Variants in TMEM44 observed in about 807,000 individuals in gnomAD.
The protein encoded by TMEM44 is transmembrane protein 44.
TMEM44 carries 43 observed loss-of-function variants against 47.8 expected under a neutral mutation model. The ratio of observed to expected loss-of-function variants is 0.90; its 90% confidence interval spans 0.70 to 1.16. TMEM44 has a LOEUF of 1.16. TMEM44 is among the 50% of genes most tolerant of loss of function. The pLI is 0.00. For missense variants in TMEM44, 568 were observed against 555.2 expected (o/e 1.02, Z -0.23); for synonymous variants, 277 against 238.8 (o/e 1.16, Z -1.48).
chr3:194,589,561 G>GTCA (rs1187243090), intron 9 of TMEM44: 1 of 127,324 alleles, frequency 7.9e-6, no homozygotes, highest in East Asian at 2.3e-4. Context: ...CAGCCGACTT[G>GTCA]TCATCACTTA....
chr3:194,596,042 G>C (rs1713368218), intron 9 of TMEM44, among the ~76,000 whole-genome samples: 1 of 152,186 alleles, frequency 6.6e-6, no homozygotes. Context: ...CAGATAGGCA[G>C]AGAAACGCAG....
At chr3:194,596,736 G>C (rs1351815717) in intron 9 of TMEM44, 1 of 152,150 alleles carries the variant, frequency 6.6e-6, no homozygotes, top group Non-Finnish European at 1.5e-5. Context: ...GGTTGCGGAG[G>C]TTGCAAGACT....
intron 1 of TMEM44, among the ~76,000 whole-genome samples, chr3:194,629,108 G>A (rs965329712): frequency 6.6e-6 from 1 of 151,352 alleles, no homozygotes; most frequent in East Asian, 1.9e-4. Flanking sequence ...AGGTTGCAGT[G>A]AGCCAAGATC....
intron 7 of TMEM44, among the ~76,000 whole-genome samples, chr3:194,613,702 C>T (rs1715578901): frequency 6.7e-6 from 1 of 149,504 alleles, no homozygotes. Flanking sequence ...CCACGTTGGT[C>T]AGGCTGGTCT....
rs553262785 is a variant in TMEM44 at position 194,628,400 on chromosome 3, T to C, written c.247A>G (p.Arg83Gly). 5.6e-6 allele frequency: 9 copies of C among 1,611,932 alleles called. No individual in the cohort carries two copies. In the African/African-American group the frequency reaches 1.1e-4, roughly 19 times the overall value. ...CAACATACCTGGATTGTGAGCTGTC[T>C]GGCCAGAAGAGCCCCGACGGTGTCA... ...LCDTVGALLA[R>G]QLTIQVFTGA... Residue 83 changes from arginine (R) to glycine (G), a missense_variant, in exon 2 of 10, where the codon AGA (arginine) becomes GGA (glycine). Physicochemically the swap from Arg to Gly is moderately radical, Grantham distance 125. Coordinates refer to ENST00000347147, the MANE Select transcript of TMEM44 (RefSeq NM_001011655.3).
chr3:194,596,226 T>A (rs1403037224), intron 9 of TMEM44, among the ~76,000 whole-genome samples: 2 of 152,064 alleles, frequency 1.3e-5, no homozygotes, highest in Admixed American at 1.3e-4. Context: ...AAAATCCTGC[T>A]GTATTCCCTG....
chr3:194,626,681 G>GTTTT (rs61419904), intron 2 of TMEM44, among the ~76,000 whole-genome samples: 3 of 133,132 alleles, frequency 2.3e-5, no homozygotes, highest in African/African-American at 2.8e-5. Flanking sequence ...ATGTAGTTAA[G>GTTTT]TTTTTTTTTT....
intron 9 of TMEM44, among the ~76,000 whole-genome samples, chr3:194,599,671 G>A (rs1462662768): frequency 6.8e-6 from 1 of 147,710 alleles, no homozygotes; most frequent in African/African-American, 2.5e-5. Flanking sequence ...TGCAACCTCC[G>A]CCTCCCGGGT....
At position 194,588,572 on chromosome 3, in the gene TMEM44, T is replaced by TGCA. The variant is rs1560149944; in HGVS notation, c.1241_1243dup (p.Val414_His415insLeu). 1 of 1,614,214 alleles carries TGCA rather than the reference T, an allele frequency of 6.2e-7. No homozygotes were observed. The highest frequency in any genetic ancestry group is 8.5e-7 in the Non-Finnish European group (1 of 1,180,046). ...GTGTGCTGTCCTCACAGAGTCCTGG[T>TGCA]GCACCTGGGATCCCAGTAGCTCCAC... On this transcript the variant is annotated inframe_insertion, in exon 10 of 10. Coordinates refer to ENST00000347147, the MANE Select transcript of TMEM44 (RefSeq NM_001011655.3).
At chr3:194,628,903 C>T (rs1717467852) in intron 1 of TMEM44, among the ~76,000 whole-genome samples, 1 of 152,306 alleles carries the variant, frequency 6.6e-6, no homozygotes, top group African/African-American at 2.4e-5. Context: ...GTGGCTCACA[C>T]CTGTAATCCC....
At chr3:194,593,436 C>G (rs1461677387) in intron 9 of TMEM44, among the ~76,000 whole-genome samples, 1 of 152,078 alleles carries the variant, frequency 6.6e-6, no homozygotes, top group African/African-American at 2.4e-5. Flanking sequence ...TGAGATGATT[C>G]AACTCAAACC....
intron 6 of TMEM44, chr3:194,616,648 C>A: frequency 2.2e-6 from 1 of 455,098 alleles, no homozygotes; most frequent in Non-Finnish European, 4.4e-6. Flanking sequence ...CCCTGCCTTG[C>A]CTTCACACAC....
chr3:194,594,008 G>T (rs1713068989), intron 9 of TMEM44, among the ~76,000 whole-genome samples: 1 of 151,792 alleles, frequency 6.6e-6, no homozygotes. Flanking sequence ...TGGAGATGAG[G>T]TCTATGGTGC....
chr3:194,626,947 G>C (rs1202356922), intron 2 of TMEM44, among the ~76,000 whole-genome samples: 1 of 131,936 alleles, frequency 7.6e-6, no homozygotes, highest in Non-Finnish European at 1.6e-5. Context: ...TTTTTGAGAC[G>C]AAGTCTTGCT....
chr3:194,609,041 T>C (rs1167665243), intron 8 of TMEM44, among the ~76,000 whole-genome samples: 2 of 152,068 alleles, frequency 1.3e-5, no homozygotes, highest in Non-Finnish European at 2.9e-5. Flanking sequence ...TGGATGGGCA[T>C]GGGGGTGTGG....
At chr3:194,625,424 C>CT (rs1374945872) in intron 3 of TMEM44, among the ~76,000 whole-genome samples, 60 of 58,940 alleles carry the variant, frequency 1.0e-3, no homozygotes, top group Non-Finnish European at 1.7e-3. Context: ...CACTCTCCTT[C>CT]TTTTTTGGGG....
chr3:194,621,392 C>T (rs1457339966), intron 5 of TMEM44, among the ~76,000 whole-genome samples: 6 of 152,122 alleles, frequency 3.9e-5, no homozygotes, highest in African/African-American at 1.2e-4. Flanking sequence ...CACTTTGTTA[C>T]GACAGCCCTA....
intron 9 of TMEM44, among the ~76,000 whole-genome samples, chr3:194,591,799 A>G (rs1410354977): frequency 3.3e-5 from 5 of 151,786 alleles, no homozygotes; most frequent in African/African-American, 1.2e-4. Context: ...AGAGATGGGG[A>G]TCTCGCCACG....
At position 194,628,434 on chromosome 3, in the gene TMEM44, G is replaced by A. The variant is rs1316775332; in HGVS notation, c.213C>T (p.Thr71=). The A allele has an allele frequency of 6.2e-7, 1 of 1,613,266 alleles. No individual in the cohort carries two copies. ...SALCAACCLL[T]SLCDTVGALL... ...GAGCCCCGACGGTGTCACACAGACT[G>A]GTCAGGAGGCAGCACGCAGCACACA... The change falls in exon 2 of 10, where the codon ACC becomes ACT. Residue 71 remains threonine (T), a synonymous_variant. Coordinates refer to ENST00000347147, the MANE Select transcript of TMEM44 (RefSeq NM_001011655.3).
Sources: gnomAD v4.1 joint callset for allele counts (sites outside exome capture counted in the v4.1 genomes callset) on GRCh38, gnomAD v4.1.1 for gene constraint, MANE v1.5 for transcripts, NCBI Gene and HGNC (gene_info 2026-07-23, HGNC 2026-07-21) for gene names.